NRXN3: variants seen among roughly 807,000 people sequenced by gnomAD.
NRXN3 encodes neurexin 3, also known as neurexin III.
A neutral mutation model predicts 137.6 loss-of-function variants in NRXN3; 32 were observed. The observed-to-expected ratio is 0.23, with a 90% confidence interval of 0.18 to 0.31. The LOEUF is 0.31. NRXN3 is among the 10% of genes least tolerant of loss of function. The pLI is 1.00. For missense variants in NRXN3, 1,574 were observed against 2,062.5 expected, an observed-to-expected ratio of 0.76 and a Z score of 4.59; for synonymous variants, 798 against 784.5, an observed-to-expected ratio of 1.02 and a Z score of -0.29.
At chr14:78,554,757 A>G (rs1054888017) in intron 4 of NRXN3, among the ~76,000 whole-genome samples, 2 of 148,836 alleles carry the variant, frequency 1.3e-5, no homozygotes, top group Admixed American at 6.7e-5. Flanking sequence ...CTGACATTTT[A>G]GCGTTCGTGG....
In NRXN3 at chr14:79,693,779, G is replaced by C. The variant is rs943569426; in HGVS notation, c.3706+1517G>C. Among the ~76,000 whole-genome samples the C allele has an allele frequency of 7.2e-5, 11 of 151,852 alleles. No individual in the cohort carries two copies. The East Asian group carries it at 2.1e-3, about 30-fold the overall frequency. On this transcript the variant is annotated intron_variant, in intron 18 of 20. Transcript: ENST00000335750. ...AATATACAAGTTGAGGGGTTGGGAT[G>C]GGGGGAGGGGTGGCTGAGGTGGGAC...
chr14:79,586,036 T>C (rs2097763151), intron 16 of NRXN3, among the ~76,000 whole-genome samples: 1 of 152,256 alleles, frequency 6.6e-6, no homozygotes, highest in African/African-American at 2.4e-5. Flanking sequence ...TCTCTGCTTA[T>C]CTAATCATAG....
At chr14:78,198,412 C>T (rs2061410853) in intron 1 of NRXN3, among the ~76,000 whole-genome samples, 3 of 152,200 alleles carry the variant, frequency 2.0e-5, no homozygotes, top group Admixed American at 2.0e-4. Context: ...GTTCTGCTCC[C>T]TCAGGAGTTT....
Position 79,470,945 on chromosome 14 carries a change from AGAGAGAGTGT to A in NRXN3, c.3444+3545_3444+3554del, listed in dbSNP as rs1419277420. 1.7e-4 allele frequency among the ~76,000 whole-genome samples: 10 copies of A among 59,394 alleles called. No homozygotes were observed. The East Asian group carries it at 2.2e-3, about 13-fold the overall frequency. 39.0% of individuals were successfully genotyped at this position (59,394 alleles called of 152,430 possible). ...GAGAGAGAGAGAGAGAGAGAAAGAG[AGAGAGAGTGT>A]GTGTGTGTGTGTGTGTGTGTGTGTG... On this transcript the variant is annotated intron_variant, in intron 16 of 20. Transcript: ENST00000335750.
intron 16 of NRXN3, among the ~76,000 whole-genome samples, chr14:79,660,233 C>T (rs2098527032): frequency 6.6e-6 from 1 of 152,186 alleles, no homozygotes; most frequent in African/African-American, 2.4e-5. Flanking sequence ...CGCCACAAGG[C>T]TTCCGTGACT....
chr14:79,861,921 G>T lies in NRXN3; in HGVS notation c.4673G>T (p.Gly1558Val). 1 of 1,613,758 alleles carries T rather than the reference G, an allele frequency of 6.2e-7. No individual in the cohort carries two copies. The highest frequency in any genetic ancestry group is 2.2e-5 in the East Asian group (1 of 44,866). Residue 1558 changes from glycine (G) to valine (V), a missense_variant, in exon 21 of 21, where the codon GGC (glycine) becomes GTC (valine). By Grantham distance (109) the Gly-to-Val change is moderately radical (BLOSUM62 -3). Transcript: ENST00000335750. The surrounding 1 kb of genome is among the most constrained non-coding windows in gnomAD (Gnocchi z 5.4). The part of the protein sequence containing the change: ...MKEKQQSSKS[G>V]HKKQKNKDRE... Reference sequence around the variant, plus strand: ...GAGAAGCAGCAGAGCTCGAAGAGCGGCCACAAGAAACAGAAAAACAAGGAC... The same window carrying T: ...GAGAAGCAGCAGAGCTCGAAGAGCGTCCACAAGAAACAGAAAAACAAGGAC...
intron 15 of NRXN3, among the ~76,000 whole-genome samples, chr14:79,373,429 A>T (rs2094169547): frequency 6.6e-6 from 1 of 152,224 alleles, no homozygotes; most frequent in African/African-American, 2.4e-5. Context: ...AATGATAAAA[A>T]TAAACTCAGT....
At chr14:79,609,322 A>G (rs1253537091) in intron 16 of NRXN3, among the ~76,000 whole-genome samples, 1 of 152,182 alleles carries the variant, frequency 6.6e-6, no homozygotes, top group African/African-American at 2.4e-5. Context: ...CAAAACCAGA[A>G]TATATATTCT....
chr14:79,813,089 T>C lies in NRXN3; in HGVS notation c.4093+7899T>C, dbSNP rs150271333. Among the ~76,000 whole-genome samples the C allele has an allele frequency of 1.1e-4, 16 of 152,306 alleles. No individual in the cohort carries two copies. The East Asian group carries it at 2.7e-3, about 26-fold the overall frequency. On this transcript the variant is annotated intron_variant, in intron 20 of 20. Transcript: ENST00000335750. ...CAGTATAAGTGATATTAGACTAATG[T>C]AACCAGAGATTAACAGCCCCTACCA...
chr14:79,641,813 A>G (rs72696780), intron 16 of NRXN3, among the ~76,000 whole-genome samples: 7,517 of 135,130 alleles, frequency 0.056, 1,941 homozygotes, highest in Non-Finnish European at 0.093. Flanking sequence ...TTCTCCTGTC[A>G]TTTTGCAGGT....
chr14:79,234,062 C>T (rs939542647), intron 15 of NRXN3, among the ~76,000 whole-genome samples: 11 of 151,128 alleles, frequency 7.3e-5, no homozygotes, highest in African/African-American at 2.4e-4. Context: ...TGAATAGGGG[C>T]TTCTCAATTT....
chr14:79,827,799 A>G (rs1355592680), intron 20 of NRXN3, among the ~76,000 whole-genome samples: 3 of 151,210 alleles, frequency 2.0e-5, no homozygotes, highest in African/African-American at 7.3e-5. Flanking sequence ...GGTTCCAGCA[A>G]TTCTCCTGCC....
rs148126909 is a variant in NRXN3 at position 79,360,224 on chromosome 14, C to T, written c.3263-106997C>T. ...TCAAAATGAACATTTTTCCCCTTTG[C>T]CCTAGTTGATGAAATTAACAACATA... On this transcript the variant is annotated intron_variant, in intron 15 of 20. Coordinates refer to ENST00000335750, the MANE Select transcript of NRXN3 (RefSeq NM_001330195.2). Among the ~76,000 whole-genome samples the T allele has an allele frequency of 7.6e-3, 1,156 of 152,270 alleles. 8 individuals are homozygous for T. The highest frequency in any genetic ancestry group is 0.014 in the Middle Eastern group (4 of 294).
At chr14:78,230,546 A>C (rs1031910467) in intron 1 of NRXN3, among the ~76,000 whole-genome samples, 2 of 152,286 alleles carry the variant, frequency 1.3e-5, no homozygotes, top group South Asian at 4.1e-4. Flanking sequence ...TAAGCTCTGC[A>C]AGTCCTAAAA....
At position 78,552,734 on chromosome 14, in the gene NRXN3, G is replaced by A. The variant is rs146073114; in HGVS notation, c.758-92386G>A. On this transcript the variant is annotated intron_variant, in intron 4 of 20. Coordinates refer to ENST00000335750, the MANE Select transcript of NRXN3 (RefSeq NM_001330195.2). Reference sequence around the variant, plus strand: ...AACAACATTTTTGAGGAGAAGGGATGAAGTTGATTAATGGGTACAAATACA... The same window carrying A: ...AACAACATTTTTGAGGAGAAGGGATAAAGTTGATTAATGGGTACAAATACA... 9.5e-3 allele frequency among the ~76,000 whole-genome samples: 1,440 copies of A among 152,306 alleles called. 12 individuals carry two copies. The highest frequency in any genetic ancestry group is 0.015 in the Non-Finnish European group (1,010 of 68,026).
At chr14:79,150,511 G>A (rs978164466) in intron 15 of NRXN3, among the ~76,000 whole-genome samples, 4 of 151,804 alleles carry the variant, frequency 2.6e-5, no homozygotes, top group Non-Finnish European at 4.4e-5. Flanking sequence ...GCAGAGAAAG[G>A]AGCAAGAGTT....
At chr14:78,245,528 A>G (rs1489449766) in intron 2 of NRXN3, among the ~76,000 whole-genome samples, 1 of 152,214 alleles carries the variant, frequency 6.6e-6, no homozygotes, top group Non-Finnish European at 1.5e-5. Context: ...GGGATGTGTA[A>G]TTAAAGACTG....
intron 16 of NRXN3, among the ~76,000 whole-genome samples, chr14:79,506,905 C>T (rs1002779424): frequency 4.6e-5 from 7 of 152,104 alleles, no homozygotes; most frequent in African/African-American, 1.7e-4. Flanking sequence ...ATTTATATAT[C>T]AACTATGGAA....
At chr14:78,610,000 T>A (rs1173937032) in intron 4 of NRXN3, among the ~76,000 whole-genome samples, 1 of 148,976 alleles carries the variant, frequency 6.7e-6, no homozygotes, top group Non-Finnish European at 1.5e-5. Context: ...TAACAGAATG[T>A]GAGATAGAGA....
Sources: gnomAD v4.1 joint callset for allele counts (sites outside exome capture counted in the v4.1 genomes callset) on GRCh38, gnomAD v4.1.1 for gene constraint, Gnocchi (gnomAD v3.1) non-coding constraint, MANE v1.5 for transcripts, NCBI Gene and HGNC (gene_info 2026-07-23, HGNC 2026-07-21) for gene names.